MATN2: variants seen among roughly 807,000 people sequenced by gnomAD.
The protein encoded by MATN2 is matrilin 2.
A neutral mutation model predicts 103.2 loss-of-function variants in MATN2; 69 were observed. That is an observed-to-expected ratio of 0.67 (90% CI 0.55 to 0.82). MATN2 has a LOEUF of 0.82. MATN2 is among the 40% of genes least tolerant of loss of function. The pLI is 0.00. For synonymous variants in MATN2, 429 were observed against 450.2 expected (o/e 0.95, Z 0.60); for missense variants, 1,023 against 1,211.5 (o/e 0.84, Z 2.31).
At chr8:97,967,596 A>T (rs1811524823) in intron 5 of MATN2, among the ~76,000 whole-genome samples, 1 of 152,182 alleles carries the variant, frequency 6.6e-6, no homozygotes, top group South Asian at 2.1e-4. Flanking sequence ...ACATTTTAAA[A>T]CTCCAAAACA....
intron 10 of MATN2, among the ~76,000 whole-genome samples, chr8:98,009,751 T>C (rs1176774092): frequency 1.3e-5 from 2 of 152,048 alleles, no homozygotes; most frequent in Admixed American, 6.6e-5. Context: ...GGGGAGGGGA[T>C]GGGGCGATCT....
intron 5 of MATN2, among the ~76,000 whole-genome samples, chr8:97,971,308 T>C (rs577692001): frequency 1.8e-4 from 28 of 152,354 alleles, no homozygotes; most frequent in African/African-American, 6.3e-4. Flanking sequence ...CCGGTTTCAC[T>C]TTGATTCATC....
intron 8 of MATN2, 36 bp downstream of exon 8, chr8:98,003,819 G>A (rs757797455): frequency 6.2e-7 from 1 of 1,612,290 alleles, no homozygotes; most frequent in Non-Finnish European, 8.5e-7. Flanking sequence ...CTGATGGAAG[G>A]TGGGGTCCAC....
intron 2 of MATN2, among the ~76,000 whole-genome samples, chr8:97,927,723 A>G (rs915473480): frequency 1.3e-5 from 2 of 152,208 alleles, no homozygotes; most frequent in Non-Finnish European, 2.9e-5. Flanking sequence ...TGTTGTGGAA[A>G]CTACCCATTT....
chr8:97,981,591 G>T (rs890091814), intron 6 of MATN2, among the ~76,000 whole-genome samples: 4 of 152,216 alleles, frequency 2.6e-5, no homozygotes, highest in Non-Finnish European at 4.4e-5. Context: ...GTGTGATGCA[G>T]CCAGGACCAC....
At chr8:98,034,219 A>G (rs1373648480) in intron 18 of MATN2, 1 of 455,940 alleles carries the variant, frequency 2.2e-6, no homozygotes, top group African/African-American at 2.0e-5. Flanking sequence ...ACACTCCACC[A>G]AGGGAACAGC....
chr8:97,905,844 A>G (rs1209588538), intron 2 of MATN2, among the ~76,000 whole-genome samples: 1 of 152,060 alleles, frequency 6.6e-6, no homozygotes, highest in Admixed American at 6.6e-5. Context: ...TATTTTAAGT[A>G]GAGACAGGGT....
intron 5 of MATN2, among the ~76,000 whole-genome samples, chr8:97,977,528 A>G (rs918840673): frequency 6.6e-6 from 1 of 151,802 alleles, no homozygotes; most frequent in African/African-American, 2.4e-5. Flanking sequence ...ACTCCCCCTC[A>G]TCCCCTGCAA....
chr8:97,893,849 G>A (rs66527355), intron 2 of MATN2, among the ~76,000 whole-genome samples: 7,393 of 152,134 alleles, frequency 0.049, 178 homozygotes, highest in South Asian at 0.071. Context: ...GGCCCCCAGT[G>A]TATTCTTGAT....
chr8:98,026,302 C>T (rs1433117506), intron 13 of MATN2, among the ~76,000 whole-genome samples: 1 of 150,820 alleles, frequency 6.6e-6, no homozygotes, highest in Non-Finnish European at 1.5e-5. Flanking sequence ...CTCTGTCACC[C>T]AGACTGAAGT....
chr8:97,962,949 A>G (rs1246869183), intron 5 of MATN2, among the ~76,000 whole-genome samples: 1 of 152,216 alleles, frequency 6.6e-6, no homozygotes, highest in Non-Finnish European at 1.5e-5. Flanking sequence ...AACCTGGCCA[A>G]TATGGCGAAA....
intron 2 of MATN2, among the ~76,000 whole-genome samples, chr8:97,903,876 T>G (rs1819073564): frequency 6.6e-6 from 1 of 152,226 alleles, no homozygotes; most frequent in African/African-American, 2.4e-5. Flanking sequence ...TATCAAATGT[T>G]TTCCCTTCAT....
rs950645013 is a variant in MATN2 at position 97,884,657 on chromosome 8, G to A, written c.-26-3418G>A. On this transcript the variant is annotated intron_variant, in intron 1 of 18. Transcript: ENST00000254898. ...ATGGTGTGGCGCACCGGTAGTCCCA[G>A]CTACTGGGGCGGCTGAGGCATGAGA... is the stretch of plus-strand genomic sequence containing the variant. 2.6e-5 allele frequency among the ~76,000 whole-genome samples: 4 copies of A among 152,046 alleles called. No homozygotes were observed. The South Asian group carries it at 6.2e-4, about 24-fold the overall frequency.
intron 13 of MATN2, 85 bp downstream of exon 13, chr8:98,021,412 A>G: frequency 7.0e-7 from 1 of 1,425,214 alleles, no homozygotes; most frequent in Admixed American, 1.9e-5. Context: ...CAAATCCCTC[A>G]CCTCTGCTTC....
intron 2 of MATN2, among the ~76,000 whole-genome samples, chr8:97,918,484 C>T (rs753799): frequency 0.32 from 47,923 of 152,116 alleles, 8,339 homozygotes; most frequent in East Asian, 0.7. Context: ...ATTTGTGGGG[C>T]GACATCACTG....
At chr8:97,963,441 G>A (rs1811378785) in intron 5 of MATN2, among the ~76,000 whole-genome samples, 1 of 152,158 alleles carries the variant, frequency 6.6e-6, no homozygotes, top group Non-Finnish European at 1.5e-5. Flanking sequence ...GAAACTGGAG[G>A]CCACTGAAAA....
Position 98,007,191 on chromosome 8 carries a change from G to A in MATN2, c.1414G>A (p.Gly472Ser). ...TTCCTTCGTCTGCCAGTGCTCAGAA[G>A]GCTTCCTCATCAACGAGGACCTCAA... Reference protein sequence around the residue: ...EDSFVCQCSEGFLINEDLKTC... With the variant: ...EDSFVCQCSESFLINEDLKTC... Residue 472 changes from glycine (G) to serine (S), a missense_variant, in exon 9 of 19, where the codon GGC becomes AGC. Physicochemically the swap from Gly to Ser is moderately conservative, Grantham distance 56. Transcript: ENST00000254898. This position sits in a 1 kb window ranked among gnomAD's most constrained non-coding sequence, Gnocchi z 4.2. 3.7e-6 allele frequency: 6 copies of A among 1,613,952 alleles called. 1 individual carries two copies. In the South Asian group the frequency reaches 6.6e-5, roughly 18 times the overall value.
Position 97,927,116 on chromosome 8 carries a change from GTTCTGTTTTGTTTTGT to G in MATN2, c.143-3834_143-3819del, listed in dbSNP as rs1409527720. On this transcript the variant is annotated intron_variant, in intron 2 of 18. Coordinates refer to ENST00000254898, the MANE Select transcript of MATN2 (RefSeq NM_002380.5). The stretch of plus-strand genomic sequence containing the variant: ...GTTGTGGTGCACTGGTCTTAGTTTT[GTTCTGTTTTGTTTTGT>G]TTTTGTTTTTGTTTTTGTTTTTGTT... Among the ~76,000 whole-genome samples, 5 of 142,104 alleles carry G rather than the reference GTTCTGTTTTGTTTTGT, an allele frequency of 3.5e-5. No individual in the cohort carries two copies. The East Asian group carries it at 1.1e-3, about 32-fold the overall frequency. The allele number at this position is 142,104 out of a possible 152,430, so 93.2% of individuals were successfully genotyped here.
chr8:97,892,290 A>G (rs987233383), intron 2 of MATN2, among the ~76,000 whole-genome samples: 1 of 151,412 alleles, frequency 6.6e-6, no homozygotes. Context: ...GTACACACCT[A>G]TAGTCCCAGC....
Sources: gnomAD v4.1 joint callset for allele counts (sites outside exome capture counted in the v4.1 genomes callset) on GRCh38, gnomAD v4.1.1 for gene constraint, Gnocchi (gnomAD v3.1) non-coding constraint, MANE v1.5 for transcripts, NCBI Gene and HGNC (gene_info 2026-07-23, HGNC 2026-07-21) for gene names.